SERPINF2: variants seen among roughly 807,000 people sequenced by gnomAD.
The protein encoded by SERPINF2 is serpin family F member 2.
SERPINF2 carries 15 observed loss-of-function variants against 45.0 expected under a neutral mutation model. The ratio of observed to expected loss-of-function variants is 0.33; its 90% CI spans 0.22 to 0.51. SERPINF2 has a LOEUF of 0.51. SERPINF2 is among the 20% of genes least tolerant of loss of function. The pLI, the probability that SERPINF2 is intolerant of heterozygous loss-of-function variation, is 0.97. For missense variants in SERPINF2, 518 were observed against 637.4 expected (o/e 0.81, Z 2.02); for synonymous variants, 283 against 277.9 (o/e 1.02, Z -0.18).
At chr17:1,752,909 G>C in intron 9 of SERPINF2, 119 bp downstream of exon 9, 1 of 880,468 alleles carries the variant, frequency 1.1e-6, no homozygotes, top group Non-Finnish European at 1.7e-6. Flanking sequence ...TCTTTTCCAG[G>C]GCTTCGGGAG....
At chr17:1,752,961 A>G (rs1470465176) in intron 9 of SERPINF2, among the ~76,000 whole-genome samples, 171 bp downstream of exon 9, 2 of 152,150 alleles carry the variant, frequency 1.3e-5, no homozygotes, top group South Asian at 4.1e-4. Flanking sequence ...CCTCTGTCCT[A>G]GAGGAAGTTG....
intron 1 of SERPINF2, 72 bp downstream of exon 1, chr17:1,742,980 G>A (rs550062705): frequency 1.0e-6 from 1 of 985,450 alleles, no homozygotes; most frequent in South Asian, 4.7e-5. Context: ...CCTGGCTGAG[G>A]GGTCTGGGAT....
Position 1,754,695 on chromosome 17 carries a change from G to C in SERPINF2, c.*161G>C, listed in dbSNP as rs1320224829. 16 of 316,496 alleles carry C rather than the reference G, an allele frequency of 5.1e-5. No individual in the cohort carries two copies. The highest frequency in any genetic ancestry group is 1.5e-4 in the South Asian group (5 of 34,232). The allele number at this position is 316,496 out of a possible 1,614,324, so 19.6% of individuals were successfully genotyped here. On this transcript the variant is annotated 3_prime_UTR_variant, in exon 10 of 10. Coordinates refer to ENST00000453066, the MANE Select transcript of SERPINF2 (RefSeq NM_000934.4). ...TTGGGGAGTTTAGGGTGGGGGGGGG[G>C]CGCGGCTGGGAGGAGGGCAGGCATC...
At chr17:1,748,434 G>C (rs994061899) in intron 7 of SERPINF2, among the ~76,000 whole-genome samples, 164 bp from the exon 8 acceptor site, 1 of 152,190 alleles carries the variant, frequency 6.6e-6, no homozygotes, top group African/African-American at 2.4e-5. Context: ...AGCATTCCCT[G>C]GGGTCTTGGC....
intron 8 of SERPINF2, among the ~76,000 whole-genome samples, chr17:1,752,086 C>T (rs947065018): frequency 3.0e-5 from 3 of 101,548 alleles, no homozygotes; most frequent in African/African-American, 8.0e-5. Flanking sequence ...ATTTTTACTC[C>T]TGTCCCCCAG....
Position 1,754,976 on chromosome 17 carries a change from C to T in SERPINF2, c.*442C>T, listed in dbSNP as rs530793818. ...CCTGGTGGTGGCTCGGGAGGCGAAG[C>T]GTTGTCCTCAGCCCCGCGTGGAACT... On this transcript the variant is annotated 3_prime_UTR_variant, in exon 10 of 10. Transcript: ENST00000453066. 35 of 216,012 alleles carry T rather than the reference C, an allele frequency of 1.6e-4. No individual in the cohort carries two copies. Among genetic ancestry groups the T allele is most frequent in the Middle Eastern group, 3.5e-3 (2 of 564 alleles). The allele number at this position is 216,012 out of a possible 1,614,324, so 13.4% of individuals were successfully genotyped here.
intron 8 of SERPINF2, among the ~76,000 whole-genome samples, chr17:1,751,471 T>G (rs1597332242): frequency 8.8e-6 from 1 of 114,014 alleles, no homozygotes. Flanking sequence ...AAAAAGAGGC[T>G]GGGTGTGGTT....
Position 1,747,309 on chromosome 17 carries a change from G to C in SERPINF2, c.512G>C (p.Gly171Ala). 1.2e-6 allele frequency: 2 copies of C among 1,613,840 alleles called. No individual in the cohort carries two copies. Among genetic ancestry groups the C allele is most frequent in the Non-Finnish European group, 1.7e-6 (2 of 1,180,020 alleles). The change falls in exon 7 of 10, where the codon GGA (glycine) becomes GCA (alanine). Residue 171 changes from glycine to alanine, a missense_variant and splice_region_variant. Around this residue, in one of 2 missense-constraint regions of SERPINF2, gnomAD observed 435 missense variants for 577.3 expected, o/e 0.75. Transcript: ENST00000453066. ...AACAGCTTGTGCTGCCTCCGTGCAGGATTTCCCATCAAAGAAGATTTCCTG... is the reference window on the plus strand; with the variant it reads ...AACAGCTTGTGCTGCCTCCGTGCAGCATTTCCCATCAAAGAAGATTTCCTG... ...RLAARMYLQK[G>A]FPIKEDFLEQ...
chr17:1,752,885 G>A lies in SERPINF2; in HGVS notation c.1063+95G>A. ...CTGGCAGTGGAGCTGAGTCAGAGCT[G>A]TCCTGTGTCCTGCTCTTTTCCAGGG... On this transcript the variant is annotated intron_variant, in intron 9 of 9. Coordinates refer to ENST00000453066, the MANE Select transcript of SERPINF2 (RefSeq NM_000934.4). The A allele has an allele frequency of 7.6e-6, 8 of 1,050,876 alleles. No homozygotes were observed. The South Asian group carries it at 1.0e-4, about 14-fold the overall frequency. 65.1% of individuals were successfully genotyped at this position (1,050,876 alleles called of 1,614,324 possible). A position where few individuals can be genotyped will look rare whatever the true frequency, so the allele number is the denominator to read the frequency against.
Position 1,745,207 on chromosome 17 carries a change from C to A in SERPINF2, c.96C>A (p.Gly32=). 1 of 1,566,982 alleles carries A rather than the reference C, an allele frequency of 6.4e-7. No individual in the cohort carries two copies. Among genetic ancestry groups the A allele is most frequent in the South Asian group, 1.2e-5 (1 of 86,494 alleles). The change falls in exon 3 of 10, where the codon GGC becomes GGA. Residue 32 remains glycine (G), a synonymous_variant. Transcript: ENST00000453066. This position sits in a 1 kb window ranked among gnomAD's most constrained non-coding sequence, Gnocchi z 6.2. The part of the protein sequence containing the change: ...FSPVSAMEPL[G]RQLTSGPNQE... ...CTGTGAGCGCCATGGAGCCCTTGGG[C>A]CGGCAGGTACTGGGGAGTGAGGAGC...
chr17:1,745,766 C>A lies in SERPINF2; in HGVS notation c.224C>A (p.Thr75Asn). Residue 75 changes from threonine (T) to asparagine (N), a missense_variant, in exon 5 of 10, where the codon ACC becomes AAC. Thr to Asn is a moderately conservative substitution (Grantham distance 65). Around this residue, in one of 2 missense-constraint regions of SERPINF2, gnomAD observed 435 missense variants for 577.3 expected, o/e 0.75. Transcript: ENST00000453066. The surrounding 1 kb of genome is among the most constrained non-coding windows in gnomAD (Gnocchi z 6.2). ...SPPGVCSRDP[T>N]PEQTHRLARA... is the part of the protein sequence containing the mutation. Reference sequence around the variant, plus strand: ...CCAGGAGTCTGCAGCAGAGACCCCACCCCAGAGCAGACCCACAGGCTGGCC... The same window carrying A: ...CCAGGAGTCTGCAGCAGAGACCCCAACCCAGAGCAGACCCACAGGCTGGCC... The A allele has an allele frequency of 1.9e-6, 3 of 1,614,014 alleles. No individual in the cohort carries two copies. Among genetic ancestry groups the A allele is most frequent in the Non-Finnish European group, 2.5e-6 (3 of 1,180,022 alleles).
chr17:1,753,657 G>A (rs1296654036), intron 9 of SERPINF2, among the ~76,000 whole-genome samples: 1 of 152,216 alleles, frequency 6.6e-6, no homozygotes, highest in Non-Finnish European at 1.5e-5. Flanking sequence ...CTGTACTCCA[G>A]CCTGGATGAC....
chr17:1,744,518 A>G (rs1304379765), intron 1 of SERPINF2: 1 of 983,452 alleles, frequency 1.0e-6, no homozygotes, highest in Non-Finnish European at 1.2e-6. Context: ...AAAAAATCCC[A>G]AAAAGACGGT....
At chr17:1,743,907 A>AT (rs1905539222) in intron 1 of SERPINF2, among the ~76,000 whole-genome samples, 1 of 150,236 alleles carries the variant, frequency 6.7e-6, no homozygotes. Context: ...GGTCTTATTT[A>AT]TTTTTTTGAG....
chr17:1,747,411 A>T lies in SERPINF2; in HGVS notation c.614A>T (p.Asn205Ile). 2 of 1,614,200 alleles carry T rather than the reference A, an allele frequency of 1.2e-6. No individual in the cohort carries two copies. The highest frequency in any genetic ancestry group is 1.7e-6 in the Non-Finnish European group (2 of 1,180,030). ...CAGGAAGATGACCTGGCAAACATCA[A>T]CCAATGGGTGAAGGAGGCCACGGAG... ...GKQEDDLANI[N>I]QWVKEATEGK... The change falls in exon 7 of 10, where the codon AAC becomes ATC. Residue 205 changes from asparagine to isoleucine, a missense_variant. By Grantham distance (149) the Asn-to-Ile change is moderately radical (BLOSUM62 -3). Coordinates refer to ENST00000453066, the MANE Select transcript of SERPINF2 (RefSeq NM_000934.4).
In SERPINF2 at chr17:1,752,739, A is replaced by G; in HGVS notation, c.1012A>G (p.Lys338Glu). Residue 338 changes from lysine (K) to glutamate (E), a missense_variant, in exon 9 of 10, where the codon AAG becomes GAG. Physicochemically the swap from Lys to Glu is moderately conservative, Grantham distance 56. Coordinates refer to ENST00000453066, the MANE Select transcript of SERPINF2 (RefSeq NM_000934.4). ...GAGGCCCACCAAGGTCCGGCTGCCT[A>G]AGCTGTATCTGAAACACCAAATGGA... The part of the protein sequence containing the change: ...WERPTKVRLP[K>E]LYLKHQMDLV... 1 of 1,613,970 alleles carries G rather than the reference A, an allele frequency of 6.2e-7. No individual in the cohort carries two copies. Among genetic ancestry groups the G allele is most frequent in the Non-Finnish European group, 8.5e-7 (1 of 1,180,014 alleles).
chr17:1,750,187 C>T (rs575451486), intron 8 of SERPINF2, among the ~76,000 whole-genome samples: 5 of 152,100 alleles, frequency 3.3e-5, no homozygotes, highest in Admixed American at 6.6e-5. Context: ...TTCTCTCTAT[C>T]GCCCAGACTG....
At chr17:1,743,155 G>T in intron 1 of SERPINF2, 7 of 972,566 alleles carry the variant, frequency 7.2e-6, no homozygotes, top group Non-Finnish European at 8.6e-6. Flanking sequence ...CCTCCAGAAG[G>T]GTTGGCCCCA....
chr17:1,745,402 C>G lies in SERPINF2; in HGVS notation c.165+7C>G, dbSNP rs368740653. 6.2e-7 allele frequency: 1 copy of G among 1,607,902 alleles called. No individual in the cohort carries two copies. Among genetic ancestry groups the G allele is most frequent in the African/African-American group, 1.4e-5 (1 of 73,534 alleles). ...CCTCAAGTTGGGCAACCAGGTACAA[C>G]CAGGTGGGGCTGGGGAAGAGTGGGC... On this transcript the variant is annotated splice_region_variant and intron_variant, in intron 4 of 9. Coordinates refer to ENST00000453066, the MANE Select transcript of SERPINF2 (RefSeq NM_000934.4). This position sits in a 1 kb window ranked among gnomAD's most constrained non-coding sequence, Gnocchi z 6.2.
Sources: gnomAD v4.1 joint callset for allele counts (sites outside exome capture counted in the v4.1 genomes callset) on GRCh38, gnomAD v4.1.1 for gene constraint, gnomAD v4.1.1 regional missense constraint, Gnocchi (gnomAD v3.1) non-coding constraint, MANE v1.5 for transcripts, NCBI Gene and HGNC (gene_info 2026-07-23, HGNC 2026-07-21) for gene names.